NDUFAF6: variants seen among roughly 807,000 people sequenced by gnomAD.
NDUFAF6 encodes NADH dehydrogenase (ubiquinone) complex I, assembly factor 6.
A neutral mutation model predicts 40.8 loss-of-function variants in NDUFAF6; 45 were observed. The observed-to-expected ratio is 1.10, with a 90% CI of 0.87 to 1.42. The LOEUF is 1.42. NDUFAF6 is among the 40% of genes most tolerant of loss of function. The pLI, the probability that NDUFAF6 is intolerant of heterozygous loss-of-function variation, is 0.00. For missense variants in NDUFAF6, 435 were observed against 418.5 expected (o/e 1.04, Z -0.34); for synonymous variants, 185 against 155.9 (o/e 1.19, Z -1.39).
chr8:94,928,135 C>G (rs1336297940), intron 1 of NDUFAF6: 1 of 152,026 alleles, frequency 6.6e-6, no homozygotes, highest in Non-Finnish European at 1.5e-5. Context: ...GTGTGGTAAT[C>G]CCAACCTTGA....
intron 2 of NDUFAF6, among the ~76,000 whole-genome samples, chr8:95,088,815 C>T (rs1809148476): frequency 6.6e-6 from 1 of 151,750 alleles, no homozygotes; most frequent in East Asian, 1.9e-4. Context: ...GACTGGAGTG[C>T]AGTGGCGCCA....
intron 1 of NDUFAF6, among the ~76,000 whole-genome samples, chr8:94,919,021 C>G (rs771036270): frequency 6.6e-6 from 1 of 152,124 alleles, no homozygotes; most frequent in Non-Finnish European, 1.5e-5. Flanking sequence ...AAGTTTTATT[C>G]TTGTTATAGA....
At chr8:95,007,175 A>G (rs1337598273) in intron 2 of NDUFAF6, among the ~76,000 whole-genome samples, 1 of 152,146 alleles carries the variant, frequency 6.6e-6, no homozygotes, top group Non-Finnish European at 1.5e-5. Context: ...TGAAAGGCTG[A>G]GAGAGACCCA....
At chr8:95,022,199 C>T (rs952989366), upstream of NDUFAF6, among the ~76,000 whole-genome samples, 14 of 151,916 alleles carry the variant, frequency 9.2e-5, no homozygotes, top group Non-Finnish European at 1.8e-4. Flanking sequence ...GTTTTCCATA[C>T]ATTAGGTATA....
intron 1 of NDUFAF6, chr8:94,928,888 A>T (rs896150781): frequency 1.2e-4 from 18 of 152,594 alleles, no homozygotes; most frequent in African/African-American, 3.9e-4. Flanking sequence ...TACTCATTTA[A>T]TTAGGGTTGC....
upstream of NDUFAF6, among the ~76,000 whole-genome samples, chr8:95,097,052 G>T (rs956238596): frequency 2.0e-5 from 3 of 152,204 alleles, no homozygotes; most frequent in Non-Finnish European, 4.4e-5. Flanking sequence ...AAGGAGAGAC[G>T]CACACTCTCT....
At chr8:94,964,572 T>C (rs1823856206) in intron 1 of NDUFAF6, among the ~76,000 whole-genome samples, 2 of 152,062 alleles carry the variant, frequency 1.3e-5, no homozygotes, top group Non-Finnish European at 2.9e-5. Context: ...ATGCTTTTGC[T>C]CATGGCAGAA....
chr8:95,009,297 C>G (rs574625298), intron 2 of NDUFAF6, among the ~76,000 whole-genome samples: 1 of 152,248 alleles, frequency 6.6e-6, no homozygotes, highest in African/African-American at 2.4e-5. Context: ...TCAGCCAGCA[C>G]ATAATACATA....
chr8:94,910,473 C>A (rs150920661), intron 1 of NDUFAF6, among the ~76,000 whole-genome samples: 73 of 152,302 alleles, frequency 4.8e-4, no homozygotes, highest in Non-Finnish European at 7.5e-4. Context: ...TTGATAGAGG[C>A]CTCTGAGCTT....
At chr8:94,940,589 C>G (rs1056246891) in intron 1 of NDUFAF6, among the ~76,000 whole-genome samples, 9 of 152,124 alleles carry the variant, frequency 5.9e-5, no homozygotes, top group African/African-American at 2.2e-4. Context: ...AAAGGGGCTT[C>G]TAATGAAGTG....
At chr8:94,949,437 G>C (rs1822362041) in intron 2 of NDUFAF6, 1 of 151,738 alleles carries the variant, frequency 6.6e-6, no homozygotes, top group South Asian at 2.1e-4. Context: ...GGCCGCGCCA[G>C]GCCGGGCCCC....
At chr8:95,013,736 T>C (rs1180845099) in intron 2 of NDUFAF6, among the ~76,000 whole-genome samples, 2 of 152,194 alleles carry the variant, frequency 1.3e-5, no homozygotes, top group Admixed American at 6.5e-5. Context: ...GATGGTGATA[T>C]ATACTGCAAA....
intron 2 of NDUFAF6, among the ~76,000 whole-genome samples, chr8:95,006,879 C>T (rs1827012133): frequency 6.6e-6 from 1 of 151,702 alleles, no homozygotes; most frequent in South Asian, 2.1e-4. Flanking sequence ...CCAGACTTGT[C>T]TCAAAAGAAA....
intron 1 of NDUFAF6, among the ~76,000 whole-genome samples, chr8:94,911,074 G>A (rs1818749850): frequency 6.6e-6 from 1 of 152,186 alleles, no homozygotes; most frequent in Non-Finnish European, 1.5e-5. Context: ...TGAGCCTGGA[G>A]AAAGAAGTGG....
downstream of NDUFAF6, chr8:95,103,581 G>T (rs1587279349): frequency 6.6e-6 from 1 of 152,252 alleles, no homozygotes; most frequent in South Asian, 2.1e-4. Context: ...ATGGTCTCTG[G>T]TAGTGTTAAA....
At chr8:95,013,423 T>C (rs1042073677) in intron 2 of NDUFAF6, among the ~76,000 whole-genome samples, 18 of 152,212 alleles carry the variant, frequency 1.2e-4, no homozygotes, top group African/African-American at 3.9e-4. Context: ...GATTTTGCAT[T>C]GATCTCCACT....
chr8:95,026,492 T>G (rs139774951), intron 1 of NDUFAF6, among the ~76,000 whole-genome samples: 1,993 of 152,222 alleles, frequency 0.013, 37 homozygotes, highest in South Asian at 0.056. Context: ...ATTTCCTACC[T>G]TATTTGTTGA....
chr8:94,948,459 C>T (rs1431119780), intron 2 of NDUFAF6, among the ~76,000 whole-genome samples: 7 of 152,242 alleles, frequency 4.6e-5, no homozygotes. Context: ...GGAGAGCGCT[C>T]TTTCCACAGG....
rs146977033 is a variant in NDUFAF6 at position 94,983,706 on chromosome 8, A to G, written c.-84+2733A>G. Among the ~76,000 whole-genome samples the G allele has an allele frequency of 3.7e-3, 567 of 152,328 alleles. 4 individuals are homozygous for G. Among genetic ancestry groups the G allele is most frequent in the African/African-American group, 0.013 (547 of 41,568 alleles). ...AATGAGAAAACTGAGGCTTATGGAT[A>G]TTAAGTAACTTTTCTAAGATCATAC... On this transcript the variant is annotated intron_variant, in intron 2 of 9. Transcript: ENST00000396111.
Sources: gnomAD v4.1 joint callset for allele counts (sites outside exome capture counted in the v4.1 genomes callset) on GRCh38, gnomAD v4.1.1 for gene constraint, MANE v1.5 for transcripts, NCBI Gene and HGNC (gene_info 2026-07-23, HGNC 2026-07-21) for gene names.